Variants in GPR37L1 observed in about 807,000 individuals in gnomAD.
GPR37L1 encodes G protein-coupled receptor 37-like 1.
A neutral mutation model predicts 18.0 loss-of-function variants in GPR37L1; 18 were observed. That is an observed-to-expected ratio of 1.00 (90% CI 0.69 to 1.49). The LOEUF (loss-of-function observed/expected upper bound fraction) is 1.49. Ranked by LOEUF, GPR37L1 falls within the 40% of genes most tolerant of loss-of-function variation. The probability of loss-of-function intolerance (pLI) is 0.00; values close to 1 mark genes in which losing one functional copy is unlikely to be tolerated. For synonymous variants in GPR37L1, 256 were observed against 273.9 expected, an observed-to-expected ratio of 0.93 and a Z score of 0.65; for missense variants, 558 against 615.1, an observed-to-expected ratio of 0.91 and a Z score of 0.98.
chr1:202,126,838 C>CGTGTGTGTGTGTGTGTGTGTGT (rs111909066), intron 1 of GPR37L1, among the ~76,000 whole-genome samples: 4 of 146,450 alleles, frequency 2.7e-5, no homozygotes, highest in South Asian at 4.5e-4. Context: ...CAGAAACGTG[C>CGTGTGTGTGTGTGTGTGTGTGT]GTGTGTGTGT....
chr1:202,131,812 T>C lies in GPR37L1; in HGVS notation c.*3256T>C, dbSNP rs926381276. ...AGTGCTGTGGTGTGATCACAGCTCA[T>C]TGCAGCCTCCACTTCCTGGGCTCAA... On this transcript the variant is annotated 3_prime_UTR_variant, in exon 2 of 2. Coordinates refer to ENST00000367282, the MANE Select transcript of GPR37L1 (RefSeq NM_004767.5). 1 of 151,958 alleles carries C rather than the reference T, an allele frequency of 6.6e-6. No individual in the cohort carries two copies. The highest frequency in any genetic ancestry group is 6.6e-5 in the Admixed American group (1 of 15,242). 9.4% of individuals were successfully genotyped at this position (151,958 alleles called of 1,614,324 possible).
At chr1:202,127,514 T>C (rs1654702467) in intron 1 of GPR37L1, among the ~76,000 whole-genome samples, 1 of 152,030 alleles carries the variant, frequency 6.6e-6, no homozygotes, top group African/African-American at 2.4e-5. Context: ...CAGGGTTCCA[T>C]CATGTTGCCC....
Position 202,132,266 on chromosome 1 carries a change from G to T in GPR37L1, c.*3710G>T, listed in dbSNP as rs1013459311. 7 of 152,262 alleles carry T rather than the reference G, an allele frequency of 4.6e-5. No homozygotes were observed. Among genetic ancestry groups the T allele is most frequent in the African/African-American group, 1.4e-4 (6 of 41,456 alleles). 9.4% of individuals were successfully genotyped at this position (152,262 alleles called of 1,614,324 possible). On this transcript the variant is annotated 3_prime_UTR_variant, in exon 2 of 2. Transcript: ENST00000367282. ...CCTAGCCATGCTTGCAGTCAGGAGA[G>T]GGCAGGGGATAGAGCCCTGGCTCCC...
chr1:202,125,949 T>A (rs1031677495), intron 1 of GPR37L1, among the ~76,000 whole-genome samples: 1 of 152,138 alleles, frequency 6.6e-6, no homozygotes, highest in African/African-American at 2.4e-5. Context: ...CTCCAACCCC[T>A]GAGCTCAAGC....
In GPR37L1 at chr1:202,123,053, G is replaced by A; in HGVS notation, c.90G>A (p.Leu30=). 1 of 1,613,760 alleles carries A rather than the reference G, an allele frequency of 6.2e-7. No individual in the cohort carries two copies. The highest frequency in any genetic ancestry group is 8.5e-7 in the Non-Finnish European group (1 of 1,180,014). The change falls in exon 1 of 2, where the codon CTG becomes CTA. Residue 30 remains leucine (L), a synonymous_variant. Transcript: ENST00000367282. ...SRVSGGAPLH[L]GRHRAETQEQ... ...TCTCTGGGGGTGCCCCCCTGCACCT[G>A]GGCAGGCACAGAGCCGAGACCCAGG... is the stretch of plus-strand genomic sequence containing the variant.
chr1:202,128,066 G>A lies in GPR37L1; in HGVS notation c.956G>A (p.Cys319Tyr). Reference protein sequence around the residue: ...RMWWYFGCYFCLPILFTVTCQ... With the variant: ...RMWWYFGCYFYLPILFTVTCQ... ...TGGTGGTACTTTGGCTGCTACTTCT[G>A]CCTGCCCATCCTCTTCACAGTCACC... Residue 319 changes from cysteine to tyrosine, a missense_variant, in exon 2 of 2, where the codon TGC becomes TAC. By Grantham distance (194) the Cys-to-Tyr change is radical. Coordinates refer to ENST00000367282, the MANE Select transcript of GPR37L1 (RefSeq NM_004767.5). 1 of 1,614,156 alleles carries A rather than the reference G, an allele frequency of 6.2e-7. No individual in the cohort carries two copies. Among genetic ancestry groups the A allele is most frequent in the Non-Finnish European group, 8.5e-7 (1 of 1,180,020 alleles).
In GPR37L1 at chr1:202,131,999, G is replaced by A. The variant is rs1461297103; in HGVS notation, c.*3443G>A. On this transcript the variant is annotated 3_prime_UTR_variant, in exon 2 of 2. Coordinates refer to ENST00000367282, the MANE Select transcript of GPR37L1 (RefSeq NM_004767.5). ...CATTCTCCTACCTCGGGCTCCCAAA[G>A]TACTGGGATTACAGGCATGAGCACC... 1 of 152,220 alleles carries A rather than the reference G, an allele frequency of 6.6e-6. No individual in the cohort carries two copies. Among genetic ancestry groups the A allele is most frequent in the Non-Finnish European group, 1.5e-5 (1 of 68,058 alleles). The allele number at this position is 152,220 out of a possible 1,614,324, so 9.4% of individuals were successfully genotyped here. A position where few individuals can be genotyped will look rare whatever the true frequency, so the allele number is the denominator to read the frequency against.
In GPR37L1 at chr1:202,123,441, T is replaced by A; in HGVS notation, c.478T>A (p.Tyr160Asn). 6.2e-7 allele frequency: 1 copy of A among 1,614,138 alleles called. No homozygotes were observed. The highest frequency in any genetic ancestry group is 8.5e-7 in the Non-Finnish European group (1 of 1,180,016). The change falls in exon 1 of 2, where the codon TAC becomes AAC. Residue 160 changes from tyrosine (Y) to asparagine (N), a missense_variant. Tyr to Asn is a moderately radical substitution (Grantham distance 143, BLOSUM62 -2). Coordinates refer to ENST00000367282, the MANE Select transcript of GPR37L1 (RefSeq NM_004767.5). ...CATGTGCATCGTGTGGCACAGCTAC[T>A]ACCTGAAGAGTGCCTGGAACTCCAT... ...SVMCIVWHSY[Y>N]LKSAWNSILA...
At position 202,131,055 on chromosome 1, in the gene GPR37L1, G is replaced by A. The variant is rs79728967; in HGVS notation, c.*2499G>A. The A allele has an allele frequency of 0.02, 3,070 of 152,340 alleles. 203 individuals are homozygous for A. Among genetic ancestry groups the A allele is most frequent in the East Asian group, 0.19 (981 of 5,164 alleles). 9.4% of individuals were successfully genotyped at this position (152,340 alleles called of 1,614,324 possible). A position where few individuals can be genotyped will look rare whatever the true frequency, so the allele number is the denominator to read the frequency against. ...TTGGGAAAGAGCCACTGTCCTCGCA[G>A]CCTGGGCCAGCTGGGGGAACAATGT... On this transcript the variant is annotated 3_prime_UTR_variant, in exon 2 of 2. Transcript: ENST00000367282.
At position 202,128,128 on chromosome 1, in the gene GPR37L1, G is replaced by A; in HGVS notation, c.1018G>A (p.Gly340Arg). Reference protein sequence around the residue: ...LVTWRVRGPPGRKSECRASKH... With the variant: ...LVTWRVRGPPRRKSECRASKH... ...GACATGGCGGGTGCGAGGCCCTCCA[G>A]GGAGGAAGTCAGAGTGCAGGGCCAG... Residue 340 changes from glycine (G) to arginine (R), a missense_variant, in exon 2 of 2, where the codon GGG becomes AGG. Coordinates refer to ENST00000367282, the MANE Select transcript of GPR37L1 (RefSeq NM_004767.5). 1 of 1,614,052 alleles carries A rather than the reference G, an allele frequency of 6.2e-7. No homozygotes were observed. The highest frequency in any genetic ancestry group is 8.5e-7 in the Non-Finnish European group (1 of 1,180,028).
intron 1 of GPR37L1, among the ~76,000 whole-genome samples, chr1:202,127,218 C>T (rs1240156239): frequency 6.6e-6 from 1 of 152,136 alleles, no homozygotes; most frequent in Non-Finnish European, 1.5e-5. Flanking sequence ...ACGTAAAGTG[C>T]CCGACCCATA....
intron 1 of GPR37L1, among the ~76,000 whole-genome samples, chr1:202,125,048 C>T (rs991876635): frequency 7.9e-5 from 12 of 150,958 alleles, no homozygotes; most frequent in Non-Finnish European, 1.5e-4. Context: ...ACCTGCAGTC[C>T]CAGGTACTCA....
rs911128834 is a variant in GPR37L1, at chr1:202,130,806, G to A, written c.*2250G>A. On this transcript the variant is annotated 3_prime_UTR_variant, in exon 2 of 2. Transcript: ENST00000367282. ...ACCAGCTTCCTAAGGGATGCAGGAA[G>A]GGGCCGGGTGAACTGAGGTGAAGTC... The A allele has an allele frequency of 1.3e-5, 2 of 152,298 alleles. No individual in the cohort carries two copies. Among genetic ancestry groups the A allele is most frequent in the Admixed American group, 1.3e-4 (2 of 15,292 alleles). 9.4% of individuals were successfully genotyped at this position (152,298 alleles called of 1,614,324 possible). A position where few individuals can be genotyped will look rare whatever the true frequency, so the allele number is the denominator to read the frequency against.
intron 1 of GPR37L1, among the ~76,000 whole-genome samples, chr1:202,127,154 T>C (rs1437676255): frequency 6.6e-6 from 1 of 152,234 alleles, no homozygotes; most frequent in Admixed American, 6.5e-5. Context: ...TCACTGTTCC[T>C]GCCTGAGCTT....
At position 202,128,321 on chromosome 1, in the gene GPR37L1, C is replaced by T. The variant is rs145269048; in HGVS notation, c.1211C>T (p.Ser404Phe). ...LDLLGLINQF[S>F]TFFKGAITPV... is the part of the protein sequence containing the mutation. ...CTCCTGGGCCTCATCAACCAGTTCT[C>T]CACCTTCTTCAAGGGCGCCATCACC... The change falls in exon 2 of 2, where the codon TCC becomes TTC. Residue 404 changes from serine to phenylalanine, a missense_variant. Ser to Phe is a radical substitution (Grantham distance 155, BLOSUM62 -2). Transcript: ENST00000367282. 2 of 1,614,208 alleles carry T rather than the reference C, an allele frequency of 1.2e-6. No homozygotes were observed. The highest frequency in any genetic ancestry group is 1.7e-6 in the Non-Finnish European group (2 of 1,180,040).
Position 202,128,599 on chromosome 1 carries a change from C to T in GPR37L1, c.*43C>T, listed in dbSNP as rs117132426. On this transcript the variant is annotated 3_prime_UTR_variant, in exon 2 of 2. Transcript: ENST00000367282. ...GGAGGGAGGGAGAGGCCGCCACCCC[C>T]GCCGGTGTCTGCTGTTCTTTCCCCA... The T allele has an allele frequency of 1.1e-5, 13 of 1,160,974 alleles. No individual in the cohort carries two copies. The East Asian group carries it at 1.4e-4, about 13-fold the overall frequency. The allele number at this position is 1,160,974 out of a possible 1,614,324, so 71.9% of individuals were successfully genotyped here. A position where few individuals can be genotyped will look rare whatever the true frequency, so the allele number is the denominator to read the frequency against.
chr1:202,128,867 C>T lies in GPR37L1; in HGVS notation c.*311C>T, dbSNP rs745855204. On this transcript the variant is annotated 3_prime_UTR_variant, in exon 2 of 2. Transcript: ENST00000367282. ...CTGCCCTCCCTTGGTTCCAGTCTCT[C>T]TTCTCTCTCTCTGCCTTGGAACCTG... 8.1e-5 allele frequency: 24 copies of T among 295,416 alleles called. No homozygotes were observed. Among genetic ancestry groups the T allele is most frequent in the Non-Finnish European group, 1.4e-4 (22 of 159,296 alleles). 18.3% of individuals were successfully genotyped at this position (295,416 alleles called of 1,614,324 possible). A position where few individuals can be genotyped will look rare whatever the true frequency, so the allele number is the denominator to read the frequency against.
rs1234762488 is a variant in GPR37L1 at position 202,128,627 on chromosome 1, G to A, written c.*71G>A. The stretch of plus-strand genomic sequence containing the variant: ...CGGTGTCTGCTGTTCTTTCCCCATA[G>A]GTCTTGCTTTGTTGCCTGTCTTGCT... On this transcript the variant is annotated 3_prime_UTR_variant, in exon 2 of 2. Transcript: ENST00000367282. 6 of 950,468 alleles carry A rather than the reference G, an allele frequency of 6.3e-6. No individual in the cohort carries two copies. In the East Asian group the frequency reaches 1.0e-4, roughly 16 times the overall value. 58.9% of individuals were successfully genotyped at this position (950,468 alleles called of 1,614,324 possible).
intron 1 of GPR37L1, 145 bp downstream of exon 1, chr1:202,123,738 GAGA>G (rs1424071917): frequency 6.6e-6 from 5 of 760,752 alleles, no homozygotes; most frequent in Non-Finnish European, 1.1e-5. Context: ...CTTTACCTTG[GAGA>G]AGGAGACAAA....
Sources: allele counts gnomAD v4.1 joint callset (sites outside exome capture counted in the v4.1 genomes callset), GRCh38; gene constraint gnomAD v4.1.1; transcripts MANE v1.5; gene names NCBI Gene and HGNC (gene_info 2026-07-23, HGNC 2026-07-21).